Variants in TCF7L1 observed in about 807,000 individuals in gnomAD.
TCF7L1 encodes the protein transcription factor 7 like 1.
Under a neutral mutation model 63.7 loss-of-function variants are expected in TCF7L1, and 18 were observed. The observed-to-expected ratio is 0.28, with a 90% confidence interval of 0.20 to 0.42. The LOEUF (loss-of-function observed/expected upper bound fraction) is 0.42. Among genes scored for constraint, TCF7L1 ranks in the 10% least tolerant of loss-of-function variants. The probability of loss-of-function intolerance (pLI) is 1.00; values close to 1 mark genes in which losing one functional copy is unlikely to be tolerated. For synonymous variants in TCF7L1, 355 were observed against 340.9 expected (o/e 1.04, Z -0.46); for missense variants, 654 against 779.3 (o/e 0.84, Z 1.91).
Position 85,309,594 on chromosome 2 carries a change from A to C in TCF7L1, c.*132A>C. The C allele has an allele frequency of 1.2e-6, 1 of 828,978 alleles. No homozygotes were observed. Among genetic ancestry groups the C allele is most frequent in the Non-Finnish European group, 1.7e-6 (1 of 578,308 alleles). The allele number at this position is 828,978 out of a possible 1,614,324, so 51.4% of individuals were successfully genotyped here. On this transcript the variant is annotated 3_prime_UTR_variant, in exon 12 of 12. Transcript: ENST00000282111. ...GTTCTGTAAAGTGGCTGGTAACAAC[A>C]GCACTTTACAGTTTGTAGATGTAAC... is the stretch of plus-strand genomic sequence containing the variant.
At chr2:85,149,214 ATTACT>A (rs1420006953) in intron 3 of TCF7L1, among the ~76,000 whole-genome samples, 1 of 151,858 alleles carries the variant, frequency 6.6e-6, no homozygotes, top group Non-Finnish European at 1.5e-5. Flanking sequence ...AACTTAACAA[ATTACT>A]TTAACATAAT....
intron 3 of TCF7L1, among the ~76,000 whole-genome samples, chr2:85,239,211 C>T (rs909116122): frequency 2.0e-5 from 3 of 152,142 alleles, no homozygotes; most frequent in Admixed American, 6.5e-5. Context: ...CTGGACCAGC[C>T]CGCCAGGCTG....
At chr2:85,164,945 A>C (rs1340795098) in intron 3 of TCF7L1, among the ~76,000 whole-genome samples, 1 of 152,210 alleles carries the variant, frequency 6.6e-6, no homozygotes, top group Non-Finnish European at 1.5e-5. Context: ...TAATATGTTA[A>C]TTAAATATTA....
intron 3 of TCF7L1, among the ~76,000 whole-genome samples, chr2:85,214,522 GA>G (rs1679649118): frequency 6.6e-6 from 1 of 152,160 alleles, no homozygotes. Flanking sequence ...TTCAAAACAA[GA>G]CACAATAAGG....
chr2:85,270,967 G>A (rs1186242460), intron 3 of TCF7L1, among the ~76,000 whole-genome samples: 2 of 152,102 alleles, frequency 1.3e-5, no homozygotes, highest in African/African-American at 4.8e-5. Context: ...AAAATGCTGC[G>A]ATTACAAGTG....
chr2:85,184,857 G>A (rs1678879998), intron 3 of TCF7L1, among the ~76,000 whole-genome samples: 1 of 151,856 alleles, frequency 6.6e-6, no homozygotes, highest in African/African-American at 2.4e-5. Flanking sequence ...CAGGCGGGCT[G>A]GGCTGTCACA....
At chr2:85,298,191 C>CAAAAA (rs759348807) in intron 4 of TCF7L1, among the ~76,000 whole-genome samples, 7 of 44,734 alleles carry the variant, frequency 1.6e-4, no homozygotes, top group Admixed American at 2.9e-4. Flanking sequence ...GACTCCATCT[C>CAAAAA]AAAAAAAAAA....
intron 3 of TCF7L1, chr2:85,187,233 C>T (rs1253219526): frequency 1.3e-5 from 2 of 152,180 alleles, no homozygotes; most frequent in Non-Finnish European, 2.9e-5. Context: ...CTCTGATTCA[C>T]CCCAAGATTC....
chr2:85,292,846 G>A (rs1681758072), intron 4 of TCF7L1, among the ~76,000 whole-genome samples: 2 of 152,260 alleles, frequency 1.3e-5, no homozygotes, highest in African/African-American at 4.8e-5. Context: ...CCAAAGTGCT[G>A]GGAATACAGG....
At chr2:85,178,626 T>TA (rs1470319873) in intron 3 of TCF7L1, among the ~76,000 whole-genome samples, 1 of 152,182 alleles carries the variant, frequency 6.6e-6, no homozygotes, top group Non-Finnish European at 1.5e-5. Context: ...AATGAGCACT[T>TA]ACTAGATGGT....
chr2:85,288,052 G>C (rs1681604705), intron 4 of TCF7L1, among the ~76,000 whole-genome samples: 1 of 152,086 alleles, frequency 6.6e-6, no homozygotes, highest in Non-Finnish European at 1.5e-5. Flanking sequence ...ATAACTATTA[G>C]CTTACTACTC....
intron 3 of TCF7L1, chr2:85,186,735 G>C (rs1050242436): frequency 3.3e-5 from 5 of 152,190 alleles, no homozygotes; most frequent in African/African-American, 1.2e-4. Flanking sequence ...GAAGGCATTT[G>C]CCTGAATAAT....
chr2:85,254,714 A>G (rs1450960384), intron 3 of TCF7L1, among the ~76,000 whole-genome samples: 1 of 152,154 alleles, frequency 6.6e-6, no homozygotes, highest in East Asian at 1.9e-4. Flanking sequence ...TCCTACCCAA[A>G]TAGCCTCGCC....
chr2:85,162,073 A>G lies in TCF7L1; in HGVS notation c.441+27623A>G, dbSNP rs182129575. Among the ~76,000 whole-genome samples, 112 of 151,944 alleles carry G rather than the reference A, an allele frequency of 7.4e-4. 1 individual carries two copies. The East Asian group carries it at 0.02, about 27-fold the overall frequency. Reference sequence around the variant, plus strand: ...GTTGAGATTTAAAAAAAAAAAAATCAGAATACACATGCCTGGCTGGGTGTG... The same window carrying G: ...GTTGAGATTTAAAAAAAAAAAAATCGGAATACACATGCCTGGCTGGGTGTG... On this transcript the variant is annotated intron_variant, in intron 3 of 11. Transcript: ENST00000282111.
intron 3 of TCF7L1, among the ~76,000 whole-genome samples, chr2:85,146,897 G>A (rs966753426): frequency 1.3e-5 from 2 of 152,160 alleles, no homozygotes; most frequent in Admixed American, 6.5e-5. Flanking sequence ...CAGTCTCAGA[G>A]GTGGTGTTAA....
intron 3 of TCF7L1, among the ~76,000 whole-genome samples, chr2:85,180,698 C>A (rs1678784382): frequency 2.6e-5 from 4 of 152,176 alleles, no homozygotes; most frequent in Admixed American, 1.3e-4. Flanking sequence ...TTACAGCTGA[C>A]CCTGGAGTGT....
intron 3 of TCF7L1, among the ~76,000 whole-genome samples, chr2:85,281,543 G>T (rs985860060): frequency 2.0e-5 from 3 of 152,200 alleles, no homozygotes; most frequent in Non-Finnish European, 4.4e-5. Flanking sequence ...TGTCGGGTGT[G>T]TGGGCTCTGG....
intron 3 of TCF7L1, among the ~76,000 whole-genome samples, chr2:85,145,156 A>G (rs1247055104): frequency 6.6e-6 from 1 of 152,122 alleles, no homozygotes; most frequent in Non-Finnish European, 1.5e-5. Flanking sequence ...AAAGATTAAC[A>G]AAGGGGGCTT....
intron 3 of TCF7L1, among the ~76,000 whole-genome samples, chr2:85,239,377 C>G (rs550526607): frequency 6.6e-6 from 1 of 152,266 alleles, no homozygotes; most frequent in South Asian, 2.1e-4. Flanking sequence ...CAGCATCCCT[C>G]CCCCTCATGC....
Sources: allele counts gnomAD v4.1 joint callset (sites outside exome capture counted in the v4.1 genomes callset), GRCh38; gene constraint gnomAD v4.1.1; transcripts MANE v1.5; gene names NCBI Gene and HGNC (gene_info 2026-07-23, HGNC 2026-07-21).